RAB11A: variants seen among roughly 807,000 people sequenced by gnomAD.
RAB11A encodes ras-related protein Rab-11A.
A neutral mutation model predicts 28.0 loss-of-function variants in RAB11A; 9 were observed. That is an observed-to-expected ratio of 0.32 (90% CI 0.19 to 0.56). RAB11A has a LOEUF of 0.56. Ranked by LOEUF, RAB11A falls within the 20% of genes least tolerant of loss-of-function variation. The pLI, the probability that RAB11A is intolerant of heterozygous loss-of-function variation, is 0.91. For synonymous variants in RAB11A, 85 were observed against 88.2 expected (o/e 0.96, Z 0.20); for missense variants, 108 against 269.6 (o/e 0.40, Z 4.20).
At chr15:65,886,150 T>G (rs2078254530) in intron 4 of RAB11A, among the ~76,000 whole-genome samples, 1 of 151,808 alleles carries the variant, frequency 6.6e-6, no homozygotes, top group Non-Finnish European at 1.5e-5. Context: ...CCTTGAGGCT[T>G]CTTTAGTTCA....
chr15:65,886,365 C>T (rs1431943584), intron 4 of RAB11A, among the ~76,000 whole-genome samples: 2 of 152,138 alleles, frequency 1.3e-5, no homozygotes, highest in African/African-American at 4.8e-5. Context: ...GAACATTTAT[C>T]CCCATCTCAG....
At chr15:65,872,509 A>G (rs2078168485) in intron 1 of RAB11A, among the ~76,000 whole-genome samples, 1 of 146,920 alleles carries the variant, frequency 6.8e-6, no homozygotes, top group Non-Finnish European at 1.5e-5. Flanking sequence ...ATCTCGGCTC[A>G]TTGCAACCTC....
chr15:65,886,454 G>C (rs927560227), intron 4 of RAB11A, among the ~76,000 whole-genome samples: 1 of 152,128 alleles, frequency 6.6e-6, no homozygotes, highest in African/African-American at 2.4e-5. Context: ...GTCCTTTATA[G>C]GAATACATTG....
chr15:65,891,173 T>C lies in RAB11A; in HGVS notation c.*3333T>C, dbSNP rs974354545. 7.2e-5 allele frequency: 11 copies of C among 152,328 alleles called. 1 individual carries two copies. Among genetic ancestry groups the C allele is most frequent in the African/African-American group, 2.6e-4 (11 of 41,570 alleles). The allele number at this position is 152,328 out of a possible 1,614,324, so 9.4% of individuals were successfully genotyped here. On this transcript the variant is annotated 3_prime_UTR_variant, in exon 5 of 5. Transcript: ENST00000261890. ...CACCTATACAATATGCCAAATCAACTGGAGTTGTCATTCTAATGTTTTAAA... is the reference window on the plus strand; with the variant it reads ...CACCTATACAATATGCCAAATCAACCGGAGTTGTCATTCTAATGTTTTAAA...
intron 4 of RAB11A, among the ~76,000 whole-genome samples, chr15:65,885,367 C>G (rs142374648): frequency 2.8e-3 from 421 of 152,138 alleles, no homozygotes; most frequent in Middle Eastern, 0.017. Flanking sequence ...ACCTCGTGAT[C>G]CGCCCGCCTT....
chr15:65,885,601 T>C (rs886869605), intron 4 of RAB11A, among the ~76,000 whole-genome samples: 43 of 152,194 alleles, frequency 2.8e-4, no homozygotes, highest in African/African-American at 1.0e-3. Context: ...AGCTATCTGA[T>C]ACAGCTTTGG....
rs2078196482 is a variant in RAB11A at position 65,877,283 on chromosome 15, T to C, written c.41-49T>C. The C allele has an allele frequency of 5.5e-6, 8 of 1,454,520 alleles. No homozygotes were observed. Among genetic ancestry groups the C allele is most frequent in the Non-Finnish European group, 7.6e-6 (8 of 1,059,594 alleles). 90.1% of individuals were successfully genotyped at this position (1,454,520 alleles called of 1,614,324 possible). A position where few individuals can be genotyped will look rare whatever the true frequency, so the allele number is the denominator to read the frequency against. On this transcript the variant is annotated intron_variant, in intron 1 of 4. Coordinates refer to ENST00000261890, the MANE Select transcript of RAB11A (RefSeq NM_004663.5). This position sits in a 1 kb window ranked among gnomAD's most constrained non-coding sequence, Gnocchi z 4.1. Reference sequence around the variant, plus strand: ...TTCTGTTGAAAGCATAGTGGTGTTCTGAATATGTTTGCCTCATTCATCTGA... The same window carrying C: ...TTCTGTTGAAAGCATAGTGGTGTTCCGAATATGTTTGCCTCATTCATCTGA...
At chr15:65,879,255 G>A (rs887055384) in intron 3 of RAB11A, among the ~76,000 whole-genome samples, 4 of 152,122 alleles carry the variant, frequency 2.6e-5, no homozygotes, top group South Asian at 2.1e-4. Flanking sequence ...CAAGCAATCC[G>A]CCTGCCTTGG....
chr15:65,887,029 T>G (rs2078259823), intron 4 of RAB11A, among the ~76,000 whole-genome samples: 2 of 152,172 alleles, frequency 1.3e-5, no homozygotes, highest in African/African-American at 4.8e-5. Context: ...TAGTGCAAAT[T>G]TATTTATTTT....
At chr15:65,878,942 A>G (rs1423430538) in intron 3 of RAB11A, among the ~76,000 whole-genome samples, 1 of 151,262 alleles carries the variant, frequency 6.6e-6, no homozygotes, top group East Asian at 1.9e-4. Context: ...TAGTACTTAG[A>G]TATAACAAGT....
intron 4 of RAB11A, among the ~76,000 whole-genome samples, chr15:65,881,875 TC>T (rs2078224657): frequency 9.4e-6 from 1 of 106,230 alleles, no homozygotes; most frequent in East Asian, 3.4e-4. Context: ...AAACCCTGTC[TC>T]TAAAAAAAAA....
chr15:65,888,010 C>A lies in RAB11A; in HGVS notation c.*170C>A, dbSNP rs577600593. 2 of 606,596 alleles carry A rather than the reference C, an allele frequency of 3.3e-6. No homozygotes were observed. Among genetic ancestry groups the A allele is most frequent in the Non-Finnish European group, 2.5e-6 (1 of 403,514 alleles). The allele number at this position is 606,596 out of a possible 1,614,324, so 37.6% of individuals were successfully genotyped here. A position where few individuals can be genotyped will look rare whatever the true frequency, so the allele number is the denominator to read the frequency against. ...GCTTTATAAAATCATCCACTTGTCC[C>A]GAATGACTGCAGCTTTTTTTCATGC... is the stretch of plus-strand genomic sequence containing the variant. On this transcript the variant is annotated 3_prime_UTR_variant, in exon 5 of 5. Coordinates refer to ENST00000261890, the MANE Select transcript of RAB11A (RefSeq NM_004663.5).
rs2078286524 is a variant in RAB11A at position 65,890,617 on chromosome 15, T to A, written c.*2777T>A. 1 of 152,222 alleles carries A rather than the reference T, an allele frequency of 6.6e-6. No homozygotes were observed. The highest frequency in any genetic ancestry group is 1.5e-5 in the Non-Finnish European group (1 of 68,036). The allele number at this position is 152,222 out of a possible 1,614,324, so 9.4% of individuals were successfully genotyped here. ...AGTTTGGGTTGCCCATCAGAGCTGG[T>A]CACATTTCTTTGATCATTGAAAAAA... On this transcript the variant is annotated 3_prime_UTR_variant, in exon 5 of 5. Coordinates refer to ENST00000261890, the MANE Select transcript of RAB11A (RefSeq NM_004663.5).
intron 4 of RAB11A, among the ~76,000 whole-genome samples, chr15:65,882,712 T>C (rs973248673): frequency 4.1e-4 from 62 of 152,286 alleles, no homozygotes; most frequent in African/African-American, 1.5e-3. Flanking sequence ...CATGAGATGA[T>C]TTTGCTGATG....
chr15:65,876,528 G>T (rs760361257), intron 1 of RAB11A, among the ~76,000 whole-genome samples: 1 of 152,044 alleles, frequency 6.6e-6, no homozygotes, highest in Non-Finnish European at 1.5e-5. Flanking sequence ...AACTCTTGGC[G>T]TCAAGCAATC....
intron 1 of RAB11A, among the ~76,000 whole-genome samples, chr15:65,872,712 G>T (rs536134678): frequency 1.1e-4 from 17 of 152,288 alleles, no homozygotes; most frequent in African/African-American, 3.9e-4. Context: ...GGGATTACTG[G>T]TGTGAGCCAC....
chr15:65,878,517 A>G (rs955201102), intron 3 of RAB11A, among the ~76,000 whole-genome samples: 13 of 152,154 alleles, frequency 8.5e-5, no homozygotes, highest in African/African-American at 3.1e-4. Context: ...CCCCGTCTCT[A>G]CTAAAAATAC....
chr15:65,871,169 C>T (rs553486146), intron 1 of RAB11A, among the ~76,000 whole-genome samples: 4 of 152,210 alleles, frequency 2.6e-5, no homozygotes, highest in African/African-American at 9.6e-5. Context: ...GATTTCTTTG[C>T]TTTCCCAATA....
chr15:65,884,548 T>A (rs767982036), intron 4 of RAB11A, among the ~76,000 whole-genome samples: 4 of 152,066 alleles, frequency 2.6e-5, no homozygotes, highest in Non-Finnish European at 1.5e-5. Context: ...ATTAAAGAGA[T>A]CTCATTACAA....
Sources: gnomAD v4.1 joint callset for allele counts (sites outside exome capture counted in the v4.1 genomes callset) on GRCh38, gnomAD v4.1.1 for gene constraint, Gnocchi (gnomAD v3.1) non-coding constraint, MANE v1.5 for transcripts, NCBI Gene and HGNC (gene_info 2026-07-23, HGNC 2026-07-21) for gene names.